The following CSMD3 variants were observed in gnomAD, a reference collection of about 807,000 sequenced individuals.
The protein encoded by CSMD3 is CUB and Sushi multiple domains 3.
Under a neutral mutation model 435.2 loss-of-function variants are expected in CSMD3, and 177 were observed. The observed-to-expected ratio is 0.41, with a 90% confidence interval of 0.36 to 0.46. The LOEUF (loss-of-function observed/expected upper bound fraction) is 0.46. Ranked by LOEUF, CSMD3 falls within the 20% of genes least tolerant of loss-of-function variation. The pLI is 0.34. For synonymous variants in CSMD3, 1,656 were observed against 1,520.5 expected (o/e 1.09, Z -2.07); for missense variants, 4,265 against 4,504.6 (o/e 0.95, Z 1.52).
intron 5 of CSMD3, among the ~76,000 whole-genome samples, chr8:113,019,436 A>T (rs1001186570): frequency 1.3e-5 from 2 of 151,710 alleles, no homozygotes; most frequent in African/African-American, 4.8e-5. Flanking sequence ...ATGATTTTTG[A>T]TTTATCCAAA....
At chr8:113,335,865 T>C (rs144395359) in intron 1 of CSMD3, among the ~76,000 whole-genome samples, 9 of 152,144 alleles carry the variant, frequency 5.9e-5, no homozygotes, top group African/African-American at 1.9e-4. Context: ...GTAATACTTT[T>C]TTTCGTTAGT....
chr8:113,100,118 G>A (rs553825230), intron 4 of CSMD3, among the ~76,000 whole-genome samples: 2 of 152,150 alleles, frequency 1.3e-5, no homozygotes, highest in Non-Finnish European at 2.9e-5. Flanking sequence ...GCATCAAATA[G>A]TATTAGCTTT....
At chr8:112,986,266 C>T (rs1269152000) in intron 6 of CSMD3, among the ~76,000 whole-genome samples, 1 of 152,134 alleles carries the variant, frequency 6.6e-6, no homozygotes, top group Non-Finnish European at 1.5e-5. Flanking sequence ...ACTGGGCATT[C>T]TGTATATTAT....
chr8:112,433,363 A>T (rs1484184760), intron 32 of CSMD3, among the ~76,000 whole-genome samples: 3 of 151,730 alleles, frequency 2.0e-5, no homozygotes, highest in Non-Finnish European at 4.4e-5. Flanking sequence ...TTACCTTTAA[A>T]AAAAAAAACA....
intron 5 of CSMD3, among the ~76,000 whole-genome samples, chr8:113,021,305 CTTG>C (rs1381645930): frequency 7.9e-5 from 12 of 152,150 alleles, no homozygotes; most frequent in Admixed American, 7.2e-4. Flanking sequence ...TATGTTTACT[CTTG>C]TTGATTAAAA....
At chr8:113,198,848 A>T (rs541291076) in intron 3 of CSMD3, among the ~76,000 whole-genome samples, 1 of 151,192 alleles carries the variant, frequency 6.6e-6, no homozygotes, top group South Asian at 2.1e-4. Flanking sequence ...AATGTGCGGG[A>T]TTATCAAAAT....
intron 9 of CSMD3, among the ~76,000 whole-genome samples, chr8:112,938,937 T>C (rs1360841265): frequency 1.3e-5 from 2 of 152,074 alleles, no homozygotes; most frequent in African/African-American, 4.8e-5. Context: ...AAAATAGAAA[T>C]ATTGAAACCT....
intron 23 of CSMD3, among the ~76,000 whole-genome samples, chr8:112,576,534 T>C (rs1444417655): frequency 6.6e-6 from 1 of 152,010 alleles, no homozygotes; most frequent in Non-Finnish European, 1.5e-5. Context: ...TTGTTTTCTT[T>C]TTTATTTATT....
At chr8:112,373,917 A>T (rs946327721) in intron 38 of CSMD3, among the ~76,000 whole-genome samples, 9 of 152,012 alleles carry the variant, frequency 5.9e-5, no homozygotes, top group Non-Finnish European at 1.0e-4. Flanking sequence ...ATTGTTCTAA[A>T]CCACAGCTGC....
chr8:112,703,671 A>C (rs2076438145), intron 13 of CSMD3, among the ~76,000 whole-genome samples: 1 of 152,152 alleles, frequency 6.6e-6, no homozygotes, highest in Admixed American at 6.6e-5. Context: ...TAAAACTTGC[A>C]GTTTTGCTGA....
chr8:112,501,180 CA>C (rs1821916073), intron 30 of CSMD3, among the ~76,000 whole-genome samples: 1 of 151,784 alleles, frequency 6.6e-6, no homozygotes, highest in Non-Finnish European at 1.5e-5. Context: ...TTCTTGGCGC[CA>C]AATGACAAAC....
In CSMD3 at chr8:112,685,638, C is replaced by A. The variant is rs144040661; in HGVS notation, c.2250G>T (p.Thr750=). ...TCCGGCTCCCTGGATCAGAGATTAT[C>A]GTCCAGATGCAATTTAAATTATTTC... ...GYGNNLNCIW[T]IISDPGSRIH... is the part of the protein sequence containing the mutation. Residue 750 remains threonine (T), a synonymous_variant, in exon 15 of 71, where the codon ACG becomes ACT. Transcript: ENST00000297405. The A allele has an allele frequency of 1.2e-6, 2 of 1,613,186 alleles. No homozygotes were observed. Among genetic ancestry groups the A allele is most frequent in the East Asian group, 4.5e-5 (2 of 44,872 alleles).
At chr8:113,089,791 C>T (rs372632491) in intron 5 of CSMD3, among the ~76,000 whole-genome samples, 3 of 151,972 alleles carry the variant, frequency 2.0e-5, no homozygotes, top group African/African-American at 7.2e-5. Flanking sequence ...TCTGCTTTCT[C>T]GAGAACTGAA....
intron 38 of CSMD3, among the ~76,000 whole-genome samples, chr8:112,375,388 A>T (rs1199052271): frequency 6.6e-6 from 1 of 152,110 alleles, no homozygotes; most frequent in African/African-American, 2.4e-5. Flanking sequence ...TAAATGCTTA[A>T]ATTACAACTA....
chr8:113,199,526 CTTA>C (rs1239093449), intron 3 of CSMD3, among the ~76,000 whole-genome samples: 1 of 151,490 alleles, frequency 6.6e-6, no homozygotes, highest in Non-Finnish European at 1.5e-5. Flanking sequence ...TAAAAACTGC[CTTA>C]TTATTTTTTT....
intron 44 of CSMD3, among the ~76,000 whole-genome samples, chr8:112,336,068 A>T (rs1391193699): frequency 1.3e-5 from 2 of 151,900 alleles, no homozygotes; most frequent in Admixed American, 6.6e-5. Context: ...GCATGCCACC[A>T]TGTCTGGCTA....
chr8:112,919,358 AT>A (rs1175600662), intron 10 of CSMD3, among the ~76,000 whole-genome samples: 4 of 151,872 alleles, frequency 2.6e-5, no homozygotes, highest in East Asian at 1.9e-4. Flanking sequence ...TTATAAAAAA[AT>A]AACAATGTAA....
At chr8:112,332,273 C>T (rs1209498826) in intron 45 of CSMD3, among the ~76,000 whole-genome samples, 1 of 150,932 alleles carries the variant, frequency 6.6e-6, no homozygotes, top group East Asian at 1.9e-4. Context: ...GAAGTGATGG[C>T]AGTGATCACC....
At position 112,975,893 on chromosome 8, in the gene CSMD3, G is replaced by C. The variant is rs535411359; in HGVS notation, c.1286C>G (p.Pro429Arg). ...PADTQSTRRR[P>R]RHAEQIERTK... ...TCTTTCTATCTGTTCAGCATGTCTTGGTCTTCTCCTGGTACTTTGTGTATC... is the reference window on the plus strand; with the variant it reads ...TCTTTCTATCTGTTCAGCATGTCTTCGTCTTCTCCTGGTACTTTGTGTATC... The change falls in exon 7 of 71, where the codon CCA (proline) becomes CGA (arginine). Residue 429 changes from proline (P) to arginine (R), a missense_variant. Pro to Arg is a moderately radical substitution (Grantham distance 103). Coordinates refer to ENST00000297405, the MANE Select transcript of CSMD3 (RefSeq NM_198123.2). 1 of 1,613,876 alleles carries C rather than the reference G, an allele frequency of 6.2e-7. No individual in the cohort carries two copies.
Sources: gnomAD v4.1 joint callset for allele counts (sites outside exome capture counted in the v4.1 genomes callset) on GRCh38, gnomAD v4.1.1 for gene constraint, MANE v1.5 for transcripts, NCBI Gene and HGNC (gene_info 2026-07-23, HGNC 2026-07-21) for gene names.